The following RPL8 variants were observed in gnomAD, a reference collection of about 807,000 sequenced individuals.
RPL8 encodes the protein ribosomal protein L8.
For missense variants in RPL8, 248 were observed against 365.9 expected (o/e 0.68, Z 2.63); for synonymous variants, 182 against 143.2 (o/e 1.27, Z -1.94).
rs1176258832 is a variant in RPL8, at chr8:144,791,439, C to A, written c.337G>T (p.Val113Leu). The part of the protein sequence containing the change: ...PVGTMPEGTI[V>L]CCLEEKPGDR... Reference sequence around the variant, plus strand: ...CCAGGCTTCTCCTCCAGGCAGCACACGATTGTACCCTCAGGCATGGTGCCC... The same window carrying A: ...CCAGGCTTCTCCTCCAGGCAGCACAAGATTGTACCCTCAGGCATGGTGCCC... Residue 113 changes from valine (V) to leucine (L), a missense_variant, in exon 3 of 5, where the codon GTG becomes TTG. By Grantham distance (32) the Val-to-Leu change is conservative (BLOSUM62 1). Coordinates refer to ENST00000528957, the MANE Select transcript of RPL8 (RefSeq NM_001317782.2). 4.3e-6 allele frequency: 7 copies of A among 1,613,866 alleles called. No homozygotes were observed. The highest frequency in any genetic ancestry group is 1.3e-5 in the African/African-American group (1 of 74,930).
rs142709994 is a variant in RPL8 at position 144,791,900 on chromosome 8, G to A, written c.153C>T (p.Asp51=). The A allele has an allele frequency of 6.2e-6, 10 of 1,613,226 alleles. No homozygotes were observed. Among genetic ancestry groups the A allele is most frequent in the Middle Eastern group, 1.7e-4 (1 of 6,060 alleles). The change falls in exon 2 of 5, where the codon GAC becomes GAT. Residue 51 remains aspartate, a synonymous_variant. Transcript: ENST00000528957. ...TGGCGAGGGGCGCGCCGCGGCCCGG[G>A]TCGTGGATGATGTCCTGTGGGCAGA... The part of the protein sequence containing the change: ...IKGIVKDIIH[D]PGRGAPLAKV...
chr8:144,790,320 T>C (rs1826457414), intron 4 of RPL8, 35 bp downstream of exon 4: 1 of 1,575,300 alleles, frequency 6.3e-7, no homozygotes, highest in African/African-American at 1.3e-5. Flanking sequence ...CCACTGTAAC[T>C]TCAATACCCA....
intron 3 of RPL8, 74 bp from the exon 4 acceptor site, chr8:144,790,544 T>C (rs1035556287): frequency 1.6e-5 from 18 of 1,140,362 alleles, no homozygotes; most frequent in Non-Finnish European, 5.3e-6. Context: ...TCTCCTGTCA[T>C]GCACCTTCCC....
Position 144,792,372 on chromosome 8 carries a change from A to C in RPL8, c.-243T>G, listed in dbSNP as rs1826570204. ...GGCCGCAAGGATGACCTACCTGTTC[A>C]CCAGCGCGGCCGAAAGAGGAAACAC... On this transcript the variant is annotated 5_prime_UTR_variant, in exon 1 of 5. Coordinates refer to ENST00000528957, the MANE Select transcript of RPL8 (RefSeq NM_001317782.2). The C allele has an allele frequency of 3.0e-6, 2 of 658,472 alleles. No homozygotes were observed. Among genetic ancestry groups the C allele is most frequent in the African/African-American group, 1.9e-5 (1 of 52,772 alleles). The allele number at this position is 658,472 out of a possible 1,614,324, so 40.8% of individuals were successfully genotyped here. A position where few individuals can be genotyped will look rare whatever the true frequency, so the allele number is the denominator to read the frequency against.
At position 144,790,310 on chromosome 8, in the gene RPL8, C is replaced by T. The variant is rs534395435; in HGVS notation, c.615+45G>A. On this transcript the variant is annotated intron_variant, in intron 4 of 4. Transcript: ENST00000528957. ...GGGACTTGCCTACCCAACAGTGTGG[C>T]CACTGTAACTTCAATACCCAACCCT... 22 of 1,486,812 alleles carry T rather than the reference C, an allele frequency of 1.5e-5. No individual in the cohort carries two copies. The East Asian group carries it at 2.0e-4, about 14-fold the overall frequency. 92.1% of individuals were successfully genotyped at this position (1,486,812 alleles called of 1,614,324 possible).
intron 2 of RPL8, 126 bp from the exon 3 acceptor site, chr8:144,791,621 G>A (rs1445183602): frequency 2.7e-6 from 4 of 1,469,798 alleles, no homozygotes; most frequent in African/African-American, 1.4e-5. Context: ...AACTCTCTCG[G>A]CACCCACCGG....
At chr8:144,790,839 CT>C in intron 3 of RPL8, 1 of 537,406 alleles carries the variant, frequency 1.9e-6, no homozygotes, top group African/African-American at 1.9e-5. Context: ...AGAGCCTCCC[CT>C]GTGCGAGGCT....
Position 144,792,075 on chromosome 8 carries a change from G to T in RPL8, c.55C>A (p.His19Asn). The T allele has an allele frequency of 6.2e-7, 1 of 1,605,610 alleles. No homozygotes were observed. ...GCAGCGCCTTTACGGTGCTTCACGT[G>T]CGCGCGGAACACAGACCCGGCGCCC... ...RKGAGSVFRA[H>N]VKHRKGAARL... The change falls in exon 1 of 5, where the codon CAC becomes AAC. Residue 19 changes from histidine (H) to asparagine (N), a missense_variant. Coordinates refer to ENST00000528957, the MANE Select transcript of RPL8 (RefSeq NM_001317782.2).
At position 144,791,984 on chromosome 8, in the gene RPL8, T is replaced by C. The variant is rs1160376103; in HGVS notation, c.138+8A>G. On this transcript the variant is annotated splice_region_variant and intron_variant, in intron 1 of 4. Coordinates refer to ENST00000528957, the MANE Select transcript of RPL8 (RefSeq NM_001317782.2). ...CCTTCCCCTCCCGCCCCGGCCAGCG[T>C]TCCGCACCTTGACGATGCCCTTGAT... The C allele has an allele frequency of 6.2e-7, 1 of 1,608,734 alleles. No homozygotes were observed. Among genetic ancestry groups the C allele is most frequent in the Non-Finnish European group, 8.5e-7 (1 of 1,177,594 alleles).
chr8:144,791,608 T>C, intron 2 of RPL8, 113 bp from the exon 3 acceptor site: 2 of 1,468,264 alleles, frequency 1.4e-6, no homozygotes, highest in African/African-American at 2.8e-5. Context: ...AGCCTCCCGG[T>C]ACAACTCTCT....
rs1826567459 is a variant in RPL8 at position 144,792,337 on chromosome 8, C to G, written c.-208G>C. The G allele has an allele frequency of 2.5e-6, 2 of 791,056 alleles. No homozygotes were observed. Among genetic ancestry groups the G allele is most frequent in the Non-Finnish European group, 3.5e-6 (2 of 565,800 alleles). The allele number at this position is 791,056 out of a possible 1,614,324, so 49.0% of individuals were successfully genotyped here. On this transcript the variant is annotated 5_prime_UTR_variant, in exon 1 of 5. An upstream start codon of the reference 5' UTR is lost. Coordinates refer to ENST00000528957, the MANE Select transcript of RPL8 (RefSeq NM_001317782.2). ...GAAGAGGATGGCGGCGGATACTGCC[C>G]ATGCCGCAAGGCCGCAAGGATGACC...
At chr8:144,790,825 C>A in intron 3 of RPL8, 1 of 549,178 alleles carries the variant, frequency 1.8e-6, no homozygotes, top group African/African-American at 1.9e-5. Flanking sequence ...AGGAACACAA[C>A]CTCAGAGCCT....
rs1441884853 is a variant in RPL8 at position 144,791,767 on chromosome 8, G to A, written c.280+6C>T. 1.9e-6 allele frequency: 3 copies of A among 1,613,422 alleles called. No individual in the cohort carries two copies. In the South Asian group the frequency reaches 3.3e-5, roughly 18 times the overall value. On this transcript the variant is annotated splice_donor_region_variant and intron_variant, in intron 2 of 4. Coordinates refer to ENST00000528957, the MANE Select transcript of RPL8 (RefSeq NM_001317782.2). ...CCCGACCTTCCTTCCCCGCCGCGAT[G>A]CTAACCCTTCTTGCCGCAATACACA... is the stretch of plus-strand genomic sequence containing the variant.
At chr8:144,790,864 G>A in intron 3 of RPL8, 2 of 520,402 alleles carry the variant, frequency 3.8e-6, no homozygotes, top group South Asian at 3.1e-5. Flanking sequence ...TTCATCACAA[G>A]GATTCCAAGA....
Position 144,792,352 on chromosome 8 carries a change from C to T in RPL8, c.-223G>A. ...GGATACTGCCCATGCCGCAAGGCCG[C>T]AAGGATGACCTACCTGTTCACCAGC... On this transcript the variant is annotated 5_prime_UTR_variant, in exon 1 of 5. Transcript: ENST00000528957. 4 of 705,084 alleles carry T rather than the reference C, an allele frequency of 5.7e-6. No homozygotes were observed. Among genetic ancestry groups the T allele is most frequent in the South Asian group, 4.0e-5 (1 of 24,918 alleles). 43.7% of individuals were successfully genotyped at this position (705,084 alleles called of 1,614,324 possible).
At position 144,792,172 on chromosome 8, in the gene RPL8, C is replaced by A. The variant is rs1249322310; in HGVS notation, c.-43G>T. 2.1e-6 allele frequency: 3 copies of A among 1,446,902 alleles called. No individual in the cohort carries two copies. Among genetic ancestry groups the A allele is most frequent in the Non-Finnish European group, 1.8e-6 (2 of 1,108,498 alleles). 89.6% of individuals were successfully genotyped at this position (1,446,902 alleles called of 1,614,324 possible). The stretch of plus-strand genomic sequence containing the variant: ...GCGACTCACGATTAGCGCGGCCGGG[C>A]GGCCCGGGTACCCCCGCCAGCCCGG... On this transcript the variant is annotated 5_prime_UTR_variant, in exon 1 of 5. Coordinates refer to ENST00000528957, the MANE Select transcript of RPL8 (RefSeq NM_001317782.2).
rs567411602 is a variant in RPL8, at chr8:144,792,355, G to A, written c.-226C>T. ...TACTGCCCATGCCGCAAGGCCGCAA[G>A]GATGACCTACCTGTTCACCAGCGCG... On this transcript the variant is annotated 5_prime_UTR_variant, in exon 1 of 5. Transcript: ENST00000528957. The A allele has an allele frequency of 1.3e-4, 95 of 708,070 alleles. No homozygotes were observed. The highest frequency in any genetic ancestry group is 1.7e-4 in the Non-Finnish European group (86 of 495,086). The allele number at this position is 708,070 out of a possible 1,614,324, so 43.9% of individuals were successfully genotyped here.
In RPL8 at chr8:144,791,573, G is replaced by A. The variant is rs1386962033; in HGVS notation, c.281-78C>T. ...CCCCTCGCTCTAGGCAACCCGCGAA[G>A]TTGCGAGCACAGCATTCAACATCCA... On this transcript the variant is annotated intron_variant, in intron 2 of 4. Transcript: ENST00000528957. 1.3e-5 allele frequency: 20 copies of A among 1,526,256 alleles called. No individual in the cohort carries two copies. In the Admixed American group the frequency reaches 2.6e-4, roughly 20 times the overall value. The allele number at this position is 1,526,256 out of a possible 1,614,324, so 94.5% of individuals were successfully genotyped here. A position where few individuals can be genotyped will look rare whatever the true frequency, so the allele number is the denominator to read the frequency against.
chr8:144,792,192 G>A lies in RPL8; in HGVS notation c.-63C>T. 1 of 1,423,924 alleles carries A rather than the reference G, an allele frequency of 7.0e-7. No individual in the cohort carries two copies. Among genetic ancestry groups the A allele is most frequent in the Non-Finnish European group, 9.1e-7 (1 of 1,097,630 alleles). The allele number at this position is 1,423,924 out of a possible 1,614,324, so 88.2% of individuals were successfully genotyped here. On this transcript the variant is annotated 5_prime_UTR_variant, in exon 1 of 5. Coordinates refer to ENST00000528957, the MANE Select transcript of RPL8 (RefSeq NM_001317782.2). ...CCGGGCGGCCCGGGTACCCCCGCCA[G>A]CCCGGCTTTCCGGGACCCCGCCCCC... is the stretch of plus-strand genomic sequence containing the variant.
Sources: gnomAD v4.1 joint callset for allele counts on GRCh38, gnomAD v4.1.1 for gene constraint, MANE v1.5 for transcripts, NCBI Gene and HGNC (gene_info 2026-07-23, HGNC 2026-07-21) for gene names.